The following CEACAM4 variants were observed in gnomAD, a reference collection of about 807,000 sequenced individuals.
The protein encoded by CEACAM4 is cell adhesion molecule CEACAM4.
CEACAM4 carries 30 observed loss-of-function variants against 28.7 expected under a neutral mutation model. The observed-to-expected ratio is 1.05, with a 90% CI of 0.78 to 1.42. CEACAM4 has a LOEUF of 1.42. CEACAM4 is among the 40% of genes most tolerant of loss of function. CEACAM4 has a pLI of 0.00. For missense variants in CEACAM4, 330 were observed against 308.2 expected, an observed-to-expected ratio of 1.07 and a Z score of -0.53; for synonymous variants, 143 against 126.5, an observed-to-expected ratio of 1.13 and a Z score of -0.87.
chr19:41,626,603 C>T (rs999658314), intron 1 of CEACAM4, among the ~76,000 whole-genome samples: 7 of 152,180 alleles, frequency 4.6e-5, no homozygotes, highest in Non-Finnish European at 2.9e-5. Context: ...GAAGTGTCAT[C>T]TGGTATAGTT....
At chr19:41,615,210 C>T (rs1555798684), downstream of CEACAM4, among the ~76,000 whole-genome samples, 4 of 151,856 alleles carry the variant, frequency 2.6e-5, no homozygotes, top group East Asian at 1.9e-4. Flanking sequence ...GGAGTGGGGC[C>T]GCAAGTGGCA....
Position 41,619,317 on chromosome 19 carries a change from C to G in CEACAM4, c.*13G>C. The G allele has an allele frequency of 5.0e-6, 8 of 1,612,240 alleles. No individual in the cohort carries two copies. Among genetic ancestry groups the G allele is most frequent in the Non-Finnish European group, 5.9e-6 (7 of 1,178,318 alleles). On this transcript the variant is annotated 3_prime_UTR_variant, in exon 7 of 7. Coordinates refer to ENST00000221954, the MANE Select transcript of CEACAM4 (RefSeq NM_001817.4). ...ACGCTCCATCAACCCACAAGAGCAGCTCCCAGAGGAACCTAAGAGACCACA... is the reference window on the plus strand; with the variant it reads ...ACGCTCCATCAACCCACAAGAGCAGGTCCCAGAGGAACCTAAGAGACCACA...
chr19:41,623,736 C>T (rs1481803821), intron 2 of CEACAM4, among the ~76,000 whole-genome samples: 1 of 151,996 alleles, frequency 6.6e-6, no homozygotes, highest in East Asian at 1.9e-4. Flanking sequence ...GGTAAAATAA[C>T]GATTTATTCC....
chr19:41,616,487 T>TGATA (rs35437530), downstream of CEACAM4, among the ~76,000 whole-genome samples: 1,548 of 146,554 alleles, frequency 0.011, 14 homozygotes, highest in Non-Finnish European at 0.012. Context: ...TATAGATAGA[T>TGATA]GATAGATAGA....
In CEACAM4 at chr19:41,621,737, G is replaced by A. The variant is rs781960425; in HGVS notation, c.456C>T (p.Ala152=). ...GGACCCCAGTCACGATGCCAGCGAC[G>A]GCCCCCACAGGAAGGCCTGGGACGT... is the stretch of plus-strand genomic sequence containing the variant. ...QNNVPGLPVG[A]VAGIVTGVLV... Residue 152 remains alanine (A), a synonymous_variant, in exon 3 of 7, where the codon GCC becomes GCT. Coordinates refer to ENST00000221954, the MANE Select transcript of CEACAM4 (RefSeq NM_001817.4). 2.3e-5 allele frequency: 37 copies of A among 1,612,292 alleles called. No individual in the cohort carries two copies. In the East Asian group the frequency reaches 3.1e-4, roughly 14 times the overall value.
chr19:41,616,487 TG>T (rs2070983678), downstream of CEACAM4, among the ~76,000 whole-genome samples: 1 of 146,452 alleles, frequency 6.8e-6, no homozygotes, highest in African/African-American at 2.6e-5. Flanking sequence ...TATAGATAGA[TG>T]ATAGATAGAT....
chr19:41,626,724 A>G (rs2071687796), intron 1 of CEACAM4, among the ~76,000 whole-genome samples, 176 bp downstream of exon 1: 1 of 151,800 alleles, frequency 6.6e-6, no homozygotes, highest in Non-Finnish European at 1.5e-5. Flanking sequence ...TCCTGTTGTG[A>G]CCCCTGCCCC....
intron 5 of CEACAM4, 82 bp from the exon 6 acceptor site, chr19:41,619,793 C>T (rs1354823865): frequency 1.2e-5 from 14 of 1,185,902 alleles, no homozygotes; most frequent in South Asian, 1.6e-5. Flanking sequence ...TGTCTCTGAT[C>T]GGCCAGGACT....
intron 2 of CEACAM4, among the ~76,000 whole-genome samples, chr19:41,622,423 G>A (rs371199928): frequency 6.6e-6 from 1 of 152,052 alleles, no homozygotes; most frequent in Non-Finnish European, 1.5e-5. Context: ...CACAGAGAGC[G>A]AGCCCTCACT....
At chr19:41,625,427 G>A (rs1555803393) in intron 2 of CEACAM4, 174 bp downstream of exon 2, 1 of 796,352 alleles carries the variant, frequency 1.3e-6, no homozygotes, top group Non-Finnish European at 2.0e-6. Context: ...ATGCAGGAAA[G>A]GAATTCTGAT....
chr19:41,620,821 G>A (rs374754645), intron 3 of CEACAM4, among the ~76,000 whole-genome samples, 194 bp from the exon 4 acceptor site: 1 of 152,066 alleles, frequency 6.6e-6, no homozygotes, highest in East Asian at 1.9e-4. Context: ...GTCCTGGCCA[G>A]AGAGGAAGGA....
At chr19:41,616,191 G>A (rs966768326), downstream of CEACAM4, among the ~76,000 whole-genome samples, 4 of 152,158 alleles carry the variant, frequency 2.6e-5, no homozygotes, top group Non-Finnish European at 4.4e-5. Flanking sequence ...CACCAGGCCC[G>A]GCTAAATTTT....
Position 41,620,496 on chromosome 19 carries a change from C to T in CEACAM4, c.595+79G>A. On this transcript the variant is annotated intron_variant, in intron 4 of 6. Coordinates refer to ENST00000221954, the MANE Select transcript of CEACAM4 (RefSeq NM_001817.4). ...CAGCCCCAAAGAAAGGGTCAGAGGCCCCCAGGGGGTGACTGGCAGGAGTGG... is the reference window on the plus strand; with the variant it reads ...CAGCCCCAAAGAAAGGGTCAGAGGCTCCCAGGGGGTGACTGGCAGGAGTGG... 3 of 1,273,758 alleles carry T rather than the reference C, an allele frequency of 2.4e-6. No homozygotes were observed. The South Asian group carries it at 3.9e-5, about 17-fold the overall frequency. The allele number at this position is 1,273,758 out of a possible 1,614,324, so 78.9% of individuals were successfully genotyped here.
intron 6 of CEACAM4, 44 bp downstream of exon 6, chr19:41,619,625 TC>T (rs1555800252): frequency 1.9e-6 from 3 of 1,574,748 alleles, no homozygotes; most frequent in South Asian, 2.3e-5. Flanking sequence ...AGATCCTGGG[TC>T]CCCTGGAGCC....
rs186978403 is a variant in CEACAM4, at chr19:41,625,494, C to T, written c.424+107G>A. On this transcript the variant is annotated intron_variant, in intron 2 of 6. Coordinates refer to ENST00000221954, the MANE Select transcript of CEACAM4 (RefSeq NM_001817.4). Reference sequence around the variant, plus strand: ...TGCACTAAATGCCCAAATCTCAACACGGGACAAAATGCAGAGGGGGATGCA... The same window carrying T: ...TGCACTAAATGCCCAAATCTCAACATGGGACAAAATGCAGAGGGGGATGCA... 4,654 of 1,358,502 alleles carry T rather than the reference C, an allele frequency of 3.4e-3. 8 individuals are homozygous for T. Among genetic ancestry groups the T allele is most frequent in the Non-Finnish European group, 3.8e-3 (3,754 of 988,984 alleles). 84.2% of individuals were successfully genotyped at this position (1,358,502 alleles called of 1,614,324 possible).
chr19:41,623,403 C>G lies in CEACAM4; in HGVS notation c.425-1635G>C, dbSNP rs1231214228. On this transcript the variant is annotated intron_variant, in intron 2 of 6. Coordinates refer to ENST00000221954, the MANE Select transcript of CEACAM4 (RefSeq NM_001817.4). Reference sequence around the variant, plus strand: ...TCTGCATCTGGTTCTGATGCTTGTTCTGTCTTTCGAACTGCATTTTTTTTT... The same window carrying G: ...TCTGCATCTGGTTCTGATGCTTGTTGTGTCTTTCGAACTGCATTTTTTTTT... 4.1e-5 allele frequency among the ~76,000 whole-genome samples: 6 copies of G among 144,872 alleles called. No individual in the cohort carries two copies. In the Admixed American group the frequency reaches 4.2e-4, roughly 10 times the overall value.
chr19:41,615,250 C>T (rs2070971495), downstream of CEACAM4, among the ~76,000 whole-genome samples: 1 of 151,890 alleles, frequency 6.6e-6, no homozygotes, highest in Non-Finnish European at 1.5e-5. Flanking sequence ...CTAATACCTG[C>T]TGTTCATCAG....
rs1555800979 is a variant in CEACAM4, at chr19:41,620,647, T to A, written c.543-20A>T. 6.2e-7 allele frequency: 1 copy of A among 1,608,126 alleles called. No individual in the cohort carries two copies. Among genetic ancestry groups the A allele is most frequent in the Non-Finnish European group, 8.5e-7 (1 of 1,175,342 alleles). On this transcript the variant is annotated intron_variant, in intron 3 of 6. Transcript: ENST00000221954. ...CTGGCCCTAGGAAAGGTCAGGATTA[T>A]TCATGAGGGTGCAGGGAGAAATCAC...
chr19:41,617,351 C>G (rs2071000803), downstream of CEACAM4, among the ~76,000 whole-genome samples: 2 of 152,148 alleles, frequency 1.3e-5, no homozygotes, highest in Non-Finnish European at 1.5e-5. Context: ...GAACTGACGC[C>G]ACAGTCATGA....
Sources: gnomAD v4.1 joint callset for allele counts (sites outside exome capture counted in the v4.1 genomes callset) on GRCh38, gnomAD v4.1.1 for gene constraint, MANE v1.5 for transcripts, NCBI Gene and HGNC (gene_info 2026-07-23, HGNC 2026-07-21) for gene names.